The following SENP3 variants were observed in gnomAD, a reference collection of about 807,000 sequenced individuals.
SENP3 encodes sentrin-specific protease 3.
Under a neutral mutation model 66.2 loss-of-function variants are expected in SENP3, and 11 were observed. That is an observed-to-expected ratio of 0.17 (90% confidence interval 0.10 to 0.28). SENP3 has a LOEUF of 0.28. SENP3 is among the 10% of genes least tolerant of loss of function. The pLI is 1.00. For missense variants in SENP3, 548 were observed against 743.7 expected (o/e 0.74, Z 3.06); for synonymous variants, 292 against 277.6 (o/e 1.05, Z -0.52).
At position 7,571,909 on chromosome 17, in the gene SENP3, AAAAATATAT is replaced by A. The variant is rs2071328300; in HGVS notation, c.*430_*438del. 6 of 15,064 alleles carry A rather than the reference AAAAATATAT, an allele frequency of 4.0e-4. 1 individual carries two copies. The highest frequency in any genetic ancestry group is 2.2e-3 in the South Asian group (1 of 450). 0.9% of individuals were successfully genotyped at this position (15,064 alleles called of 1,614,324 possible). A position where few individuals can be genotyped will look rare whatever the true frequency, so the allele number is the denominator to read the frequency against. ...TATATATATATATATATATATATAT[AAAAATATAT>A]AAATGCCACGGTCCTGCTCTGGTCA... is the stretch of plus-strand genomic sequence containing the variant. On this transcript the variant is annotated 3_prime_UTR_variant, in exon 11 of 11. Coordinates refer to ENST00000321337, the MANE Select transcript of SENP3 (RefSeq NM_015670.6).
chr17:7,570,475 A>G lies in SENP3; in HGVS notation c.1461A>G (p.Leu487=), dbSNP rs868150883. ...CCTATTTTGACTCGCAGCGTACCCT[A>G]AACCGCCGCTGCCCTAAGGTTTGAG... ...TITYFDSQRT[L]NRRCPKHIAK... is the part of the protein sequence containing the mutation. Residue 487 remains leucine (L), a synonymous_variant, in exon 8 of 11, where the codon CTA becomes CTG. Transcript: ENST00000321337. This position sits in a 1 kb window ranked among gnomAD's most constrained non-coding sequence, Gnocchi z 5.4. The G allele has an allele frequency of 1.2e-6, 2 of 1,612,978 alleles. No individual in the cohort carries two copies. The highest frequency in any genetic ancestry group is 1.3e-5 in the African/African-American group (1 of 75,002).
At chr17:7,564,514 C>T (rs1396211845) in intron 2 of SENP3, 111 bp from the exon 3 acceptor site, 1 of 1,454,732 alleles carries the variant, frequency 6.9e-7, no homozygotes, top group Non-Finnish European at 9.4e-7. Context: ...GATTCTGCTT[C>T]AGTGTATCCT....
Position 7,564,781 on chromosome 17 carries a change from G to A in SENP3, c.872G>A (p.Gly291Asp), listed in dbSNP as rs201753954. The A allele has an allele frequency of 1.4e-5, 23 of 1,613,964 alleles. No homozygotes were observed. Among genetic ancestry groups the A allele is most frequent in the East Asian group, 2.2e-5 (1 of 44,880 alleles). ...GAGCTTTTTCAGGGCTCAGATTTGG[G>A]CATGGCAGAAGAGGCAGAGAGGCCT... The part of the protein sequence containing the change: ...AQELFQGSDL[G>D]MAEEAERPGE... Residue 291 changes from glycine to aspartate, a missense_variant, in exon 3 of 11, where the codon GGC (glycine) becomes GAC (aspartate). Transcript: ENST00000321337.
chr17:7,567,552 C>T lies in SENP3; in HGVS notation c.1341+548C>T, dbSNP rs549495226. 2.9e-4 allele frequency among the ~76,000 whole-genome samples: 44 copies of T among 151,750 alleles called. 2 individuals are homozygous for T. Among genetic ancestry groups the T allele is most frequent in the Non-Finnish European group, 2.6e-4 (18 of 67,956 alleles). ...AAAAAAAATCACAGTAATGTCATAG[C>T]GTGGGAAGTGGGTACTTTAGATTGG... On this transcript the variant is annotated intron_variant, in intron 7 of 10. Coordinates refer to ENST00000321337, the MANE Select transcript of SENP3 (RefSeq NM_015670.6).
chr17:7,569,415 C>T (rs12939472), intron 7 of SENP3, among the ~76,000 whole-genome samples: 45,049 of 147,706 alleles, frequency 0.3, 8,432 homozygotes, highest in Middle Eastern at 0.59. Flanking sequence ...TTTTTTCCTC[C>T]GCAGGTTGGA....
At chr17:7,565,819 C>G in intron 6 of SENP3, 55 bp downstream of exon 6, 2 of 1,487,594 alleles carry the variant, frequency 1.3e-6, no homozygotes, top group Non-Finnish European at 1.9e-6. Context: ...TTTTAAGCAG[C>G]TTTTTAAGCT....
chr17:7,571,516 G>A lies in SENP3; in HGVS notation c.*33G>A, dbSNP rs746129862. 6.6e-7 allele frequency: 1 copy of A among 1,514,700 alleles called. No homozygotes were observed. Among genetic ancestry groups the A allele is most frequent in the Non-Finnish European group, 9.2e-7 (1 of 1,091,704 alleles). The allele number at this position is 1,514,700 out of a possible 1,614,324, so 93.8% of individuals were successfully genotyped here. ...ACCCCAGACCCCAAGCCCATAAATG[G>A]GAAGGGAGACATGGGAGTCCCTTCC... is the stretch of plus-strand genomic sequence containing the variant. On this transcript the variant is annotated 3_prime_UTR_variant, in exon 11 of 11. Coordinates refer to ENST00000321337, the MANE Select transcript of SENP3 (RefSeq NM_015670.6).
In SENP3 at chr17:7,561,971, G is replaced by A. The variant is rs556216825; in HGVS notation, c.-304G>A. 2.5e-6 allele frequency: 1 copy of A among 395,836 alleles called. No homozygotes were observed. The highest frequency in any genetic ancestry group is 2.1e-5 in the African/African-American group (1 of 48,396). The allele number at this position is 395,836 out of a possible 1,614,324, so 24.5% of individuals were successfully genotyped here. A position where few individuals can be genotyped will look rare whatever the true frequency, so the allele number is the denominator to read the frequency against. The stretch of plus-strand genomic sequence containing the variant: ...GCCGGTGGGCCCGGGGCTCGCGGGA[G>A]GGGAAGGAGGAGGGGGGGAGGAGTG... On this transcript the variant is annotated 5_prime_UTR_variant, in exon 1 of 11. Coordinates refer to ENST00000321337, the MANE Select transcript of SENP3 (RefSeq NM_015670.6). This position sits in a 1 kb window ranked among gnomAD's most constrained non-coding sequence, Gnocchi z 4.4.
In SENP3 at chr17:7,571,905, ATATAAAAATATAT is replaced by A. The variant is rs2071327800; in HGVS notation, c.*423_*435del. On this transcript the variant is annotated 3_prime_UTR_variant, in exon 11 of 11. Coordinates refer to ENST00000321337, the MANE Select transcript of SENP3 (RefSeq NM_015670.6). The stretch of plus-strand genomic sequence containing the variant: ...TATATATATATATATATATATATAT[ATATAAAAATATAT>A]AAATGCCACGGTCCTGCTCTGGTCA... The A allele has an allele frequency of 9.3e-4, 14 of 15,134 alleles. No homozygotes were observed. The highest frequency in any genetic ancestry group is 1.5e-3 in the Non-Finnish European group (10 of 6,586). 0.9% of individuals were successfully genotyped at this position (15,134 alleles called of 1,614,324 possible).
At chr17:7,571,019 G>A (rs2071309187) in intron 10 of SENP3, 86 bp downstream of exon 10, 1 of 1,197,378 alleles carries the variant, frequency 8.4e-7, no homozygotes, top group African/African-American at 1.5e-5. Context: ...CCCTCATTTG[G>A]CTCATAGTCA....
At chr17:7,567,687 G>A (rs2071278715) in intron 7 of SENP3, among the ~76,000 whole-genome samples, 1 of 152,158 alleles carries the variant, frequency 6.6e-6, no homozygotes, top group East Asian at 1.9e-4. Flanking sequence ...CCATGGCTGA[G>A]GAACAGAGGG....
In SENP3 at chr17:7,570,448, C is replaced by T. The variant is rs2071303613; in HGVS notation, c.1434C>T (p.Ile478=). Reference sequence around the variant, plus strand: ...CTGTTGATGTGAGGCGACGCACCATCACCTATTTTGACTCGCAGCGTACCC... The same window carrying T: ...CTGTTGATGTGAGGCGACGCACCATTACCTATTTTGACTCGCAGCGTACCC... ...LISVDVRRRT[I]TYFDSQRTLN... Residue 478 remains isoleucine, a synonymous_variant, in exon 8 of 11, where the codon ATC becomes ATT. Transcript: ENST00000321337. This position sits in a 1 kb window ranked among gnomAD's most constrained non-coding sequence, Gnocchi z 5.4. The T allele has an allele frequency of 6.2e-6, 10 of 1,613,774 alleles. No homozygotes were observed. Among genetic ancestry groups the T allele is most frequent in the Non-Finnish European group, 8.5e-6 (10 of 1,179,882 alleles).
chr17:7,564,420 C>G (rs779370040), intron 2 of SENP3: 4 of 756,410 alleles, frequency 5.3e-6, no homozygotes, highest in Middle Eastern at 2.2e-4. Flanking sequence ...TAGGAACTCT[C>G]TCTCCATCCC....
intron 2 of SENP3, 26 bp downstream of exon 2, chr17:7,563,817 TGCGGGGGA>T: frequency 1.1e-6 from 1 of 904,176 alleles, no homozygotes; most frequent in Non-Finnish European, 1.6e-6. Context: ...GGTGTGGGGT[TGCGGGGGA>T]GGGGTTAGGG....
chr17:7,565,136 G>A, intron 4 of SENP3, 66 bp downstream of exon 4: 1 of 1,216,746 alleles, frequency 8.2e-7, no homozygotes, highest in Non-Finnish European at 1.2e-6. Context: ...GAATACTGCT[G>A]CCTTTTCTTC....
At chr17:7,563,969 AAGCCTGGGAGTG>A (rs1427127748) in intron 2 of SENP3, among the ~76,000 whole-genome samples, 178 bp downstream of exon 2, 1 of 152,212 alleles carries the variant, frequency 6.6e-6, no homozygotes, top group African/African-American at 2.4e-5. Context: ...AGCAGAAAGT[AAGCCTGGGAGTG>A]AGCCTGGCAG....
rs1367298163 is a variant in SENP3 at position 7,562,231 on chromosome 17, T to G, written c.-44T>G. On this transcript the variant is annotated 5_prime_UTR_variant, in exon 1 of 11. Coordinates refer to ENST00000321337, the MANE Select transcript of SENP3 (RefSeq NM_015670.6). The surrounding 1 kb of genome is among the most constrained non-coding windows in gnomAD (Gnocchi z 5.0). The stretch of plus-strand genomic sequence containing the variant: ...AAGCTTGAGGCCGGAGACGCCCGCC[T>G]TCGGGCCCGTCCGCCCGGCTTCCCC... 1 of 398,460 alleles carries G rather than the reference T, an allele frequency of 2.5e-6. No homozygotes were observed. 24.7% of individuals were successfully genotyped at this position (398,460 alleles called of 1,614,324 possible).
At chr17:7,569,098 T>G (rs897490379) in intron 7 of SENP3, among the ~76,000 whole-genome samples, 1 of 152,028 alleles carries the variant, frequency 6.6e-6, no homozygotes, top group Non-Finnish European at 1.5e-5. Flanking sequence ...AGAAGATTTG[T>G]TTTTTTGCCG....
At chr17:7,569,716 TA>T (rs1349472017) in intron 7 of SENP3, among the ~76,000 whole-genome samples, 1 of 152,238 alleles carries the variant, frequency 6.6e-6, no homozygotes, top group Non-Finnish European at 1.5e-5. Flanking sequence ...GCCTTCTTCA[TA>T]CTGAGTTTGA....
Sources: allele counts gnomAD v4.1 joint callset (sites outside exome capture counted in the v4.1 genomes callset), GRCh38; gene constraint gnomAD v4.1.1; non-coding constraint Gnocchi (gnomAD v3.1); transcripts MANE v1.5; gene names NCBI Gene and HGNC (gene_info 2026-07-23, HGNC 2026-07-21).